TMEM67: variants seen among roughly 807,000 people sequenced by gnomAD.
TMEM67 encodes transmembrane protein 67.
TMEM67 carries 124 observed loss-of-function variants against 136.6 expected under a neutral mutation model. That is an observed-to-expected ratio of 0.91 (90% CI 0.78 to 1.05). The LOEUF (loss-of-function observed/expected upper bound fraction) is 1.05, where lower values mean the gene tolerates loss of function less well. TMEM67 is among the 50% of genes least tolerant of loss of function. TMEM67 has a pLI of 0.00. For synonymous variants in TMEM67, 364 were observed against 390.5 expected, an observed-to-expected ratio of 0.93 and a Z score of 0.80; for missense variants, 1,107 against 1,178.4, an observed-to-expected ratio of 0.94 and a Z score of 0.89.
At chr8:93,777,082 G>A (rs1450695720) in intron 7 of TMEM67, among the ~76,000 whole-genome samples, 1 of 152,158 alleles carries the variant, frequency 6.6e-6, no homozygotes, top group Non-Finnish European at 1.5e-5. Context: ...AGTCTTGGGA[G>A]GGTGTATGTG....
At chr8:93,788,027 G>T in intron 14 of TMEM67, 78 bp downstream of exon 14, 1 of 1,104,128 alleles carries the variant, frequency 9.1e-7, no homozygotes, top group Non-Finnish European at 1.4e-6. Context: ...TTGGTCAAAA[G>T]ACAGTCTTTT....
Position 93,797,231 on chromosome 8 carries a change from A to G in TMEM67, c.1958A>G (p.Glu653Gly), listed in dbSNP as rs1814660483. 6.2e-7 allele frequency: 1 copy of G among 1,611,936 alleles called. No individual in the cohort carries two copies. Among genetic ancestry groups the G allele is most frequent in the South Asian group, 1.1e-5 (1 of 91,032 alleles). The change falls in exon 19 of 28, where the codon GAA becomes GGA. Residue 653 changes from glutamate to glycine, a missense_variant and splice_region_variant. By Grantham distance (98) the Glu-to-Gly change is moderately conservative. This residue lies in a region of TMEM67 where 925 missense variants were observed against 1,002.4 expected (regional missense o/e 0.92). Coordinates refer to ENST00000453321, the MANE Select transcript of TMEM67 (RefSeq NM_153704.6). ...RPKGKVLKAV[E>G]GEGGVRSATV... is the part of the protein sequence containing the mutation. Reference sequence around the variant, plus strand: ...AAAGGAAAGGTTCTTAAAGCTGTTGAAGGTAACTGAAATAAAAAATATTTG... The same window carrying G: ...AAAGGAAAGGTTCTTAAAGCTGTTGGAGGTAACTGAAATAAAAAATATTTG...
intron 3 of TMEM67, chr8:93,759,225 G>A (rs1276518773): frequency 6.6e-6 from 1 of 152,094 alleles, no homozygotes; most frequent in Non-Finnish European, 1.5e-5. Flanking sequence ...ACTTTGGAAG[G>A]CTAAGGCAGG....
chr8:93,772,774 G>A (rs1813381608), intron 7 of TMEM67, 123 bp downstream of exon 7: 2 of 684,736 alleles, frequency 2.9e-6, no homozygotes, highest in South Asian at 1.8e-5. Flanking sequence ...CTTATAAGAA[G>A]AATAAACTCT....
intron 6 of TMEM67, among the ~76,000 whole-genome samples, chr8:93,767,147 C>T (rs1813116142): frequency 6.6e-6 from 1 of 152,102 alleles, no homozygotes; most frequent in African/African-American, 2.4e-5. Context: ...TTCATGAATG[C>T]AACAGTTTTG....
At position 93,815,466 on chromosome 8, in the gene TMEM67, TCTACATTTTC is replaced by T; in HGVS notation, c.2907+22_2907+31del. ...ACAAGAGGTAAACTTTTAAAATTTT[TCTACATTTTC>T]CTTCATTTTCTTGAGAGAAATATGT... is the stretch of plus-strand genomic sequence containing the variant. On this transcript the variant is annotated intron_variant, in intron 27 of 27. Coordinates refer to ENST00000453321, the MANE Select transcript of TMEM67 (RefSeq NM_153704.6). 6.2e-7 allele frequency: 1 copy of T among 1,601,490 alleles called. No homozygotes were observed. The highest frequency in any genetic ancestry group is 8.5e-7 in the Non-Finnish European group (1 of 1,171,164).
At chr8:93,805,434 A>G (rs186050308) in intron 23 of TMEM67, among the ~76,000 whole-genome samples, 60 of 152,188 alleles carry the variant, frequency 3.9e-4, no homozygotes, top group African/African-American at 1.3e-3. Flanking sequence ...ATACAAAAAA[A>G]TTAGCCGGGC....
chr8:93,800,713 G>A (rs928895214), intron 21 of TMEM67, among the ~76,000 whole-genome samples: 2 of 152,094 alleles, frequency 1.3e-5, no homozygotes, highest in South Asian at 2.1e-4. Context: ...CAGAGTTCAC[G>A]TTCTTGTCAA....
Position 93,772,671 on chromosome 8 carries a change from A to G in TMEM67, c.714+20A>G, listed in dbSNP as rs757485824. The G allele has an allele frequency of 2.5e-6, 4 of 1,586,682 alleles. No individual in the cohort carries two copies. Among genetic ancestry groups the G allele is most frequent in the South Asian group, 1.1e-5 (1 of 89,372 alleles). ...TGTTGGGTAAGTTTGAATTTTTTAA[A>G]TAAATTTCATTTTATTTTGAAGAAT... is the stretch of plus-strand genomic sequence containing the variant. On this transcript the variant is annotated intron_variant, in intron 7 of 27. Coordinates refer to ENST00000453321, the MANE Select transcript of TMEM67 (RefSeq NM_153704.6).
At chr8:93,802,091 A>G (rs1814894996) in intron 21 of TMEM67, among the ~76,000 whole-genome samples, 1 of 152,200 alleles carries the variant, frequency 6.6e-6, no homozygotes, top group African/African-American at 2.4e-5. Context: ...ATCAAAGAGA[A>G]CCTTGTCTTT....
intron 2 of TMEM67, among the ~76,000 whole-genome samples, chr8:93,757,306 T>G (rs537133938): frequency 1.3e-5 from 2 of 152,098 alleles, no homozygotes; most frequent in Non-Finnish European, 2.9e-5. Context: ...CCATATGATA[T>G]AATAAGCCCA....
Position 93,775,908 on chromosome 8 carries a change from A to G in TMEM67, c.714+3257A>G, listed in dbSNP as rs1011296671. Among the ~76,000 whole-genome samples, 3 of 152,162 alleles carry G rather than the reference A, an allele frequency of 2.0e-5. No homozygotes were observed. The South Asian group carries it at 6.2e-4, about 32-fold the overall frequency. The stretch of plus-strand genomic sequence containing the variant: ...TGTGAAGAAAGTCATTGGTAGCTTG[A>G]TGGGGATGGCATTGAATCTATAAGT... On this transcript the variant is annotated intron_variant, in intron 7 of 27. Transcript: ENST00000453321.
chr8:93,823,903 CT>C (rs1402437160), downstream of TMEM67, among the ~76,000 whole-genome samples: 2 of 151,328 alleles, frequency 1.3e-5, no homozygotes, highest in Admixed American at 1.3e-4. Flanking sequence ...TTTTTAGAGC[CT>C]CTCTCAAAGC....
chr8:93,772,544 G>T, intron 6 of TMEM67, 45 bp from the exon 7 acceptor site: 1 of 1,377,294 alleles, frequency 7.3e-7, no homozygotes, highest in Non-Finnish European at 1.0e-6. Context: ...TATGCATATT[G>T]GAGTCATTTG....
At chr8:93,821,744 C>T (rs1809044642), downstream of TMEM67, among the ~76,000 whole-genome samples, 1 of 152,046 alleles carries the variant, frequency 6.6e-6, no homozygotes, top group Non-Finnish European at 1.5e-5. Flanking sequence ...ACCAAAAATA[C>T]AAAAAATTAG....
At chr8:93,816,311 C>A in intron 27 of TMEM67, 61 bp from the exon 28 acceptor site, 2 of 766,544 alleles carry the variant, frequency 2.6e-6, no homozygotes, top group Non-Finnish European at 4.4e-6. Flanking sequence ...ATATTTTAAT[C>A]GACGTGCATA....
chr8:93,809,674 T>G, intron 25 of TMEM67, 111 bp from the exon 26 acceptor site: 1 of 679,414 alleles, frequency 1.5e-6, no homozygotes, highest in Non-Finnish European at 2.6e-6. Flanking sequence ...AAGAACAGAT[T>G]TTCTTTATAT....
chr8:93,762,949 G>A (rs1207459389), intron 3 of TMEM67: 1 of 398,244 alleles, frequency 2.5e-6, no homozygotes, highest in Admixed American at 2.7e-5. Context: ...TTTTGAAACA[G>A]GGTCTCACTC....
chr8:93,783,975 A>G (rs1179490226), intron 11 of TMEM67, among the ~76,000 whole-genome samples: 3 of 152,212 alleles, frequency 2.0e-5, no homozygotes, highest in African/African-American at 7.2e-5. Context: ...AACCATATCA[A>G]TTCATTAGTC....
Sources: gnomAD v4.1 joint callset for allele counts (sites outside exome capture counted in the v4.1 genomes callset) on GRCh38, gnomAD v4.1.1 for gene constraint, gnomAD v4.1.1 regional missense constraint, MANE v1.5 for transcripts, NCBI Gene and HGNC (gene_info 2026-07-23, HGNC 2026-07-21) for gene names.